Variants in CACNA2D3 observed in about 807,000 individuals in gnomAD.
CACNA2D3 encodes calcium voltage-gated channel auxiliary subunit alpha2delta 3.
A neutral mutation model predicts 160.6 loss-of-function variants in CACNA2D3; 60 were observed. The ratio of observed to expected loss-of-function variants is 0.37; its 90% CI spans 0.30 to 0.46. The LOEUF is 0.46. Ranked by LOEUF, CACNA2D3 falls within the 20% of genes least tolerant of loss-of-function variation. CACNA2D3 has a pLI of 1.00. For missense variants in CACNA2D3, 1,205 were observed against 1,365.0 expected (o/e 0.88, Z 1.85); for synonymous variants, 558 against 492.9 (o/e 1.13, Z -1.75).
chr3:54,888,373 T>C (rs1213614255), intron 24 of CACNA2D3, among the ~76,000 whole-genome samples: 2 of 152,098 alleles, frequency 1.3e-5, no homozygotes, highest in African/African-American at 4.8e-5. Context: ...TACTTTGCAG[T>C]CTTGGGGGAG....
chr3:54,675,354 A>T (rs1350702935), intron 11 of CACNA2D3, among the ~76,000 whole-genome samples: 1 of 152,192 alleles, frequency 6.6e-6, no homozygotes, highest in African/African-American at 2.4e-5. Flanking sequence ...GAGGACACAC[A>T]CAAGGAGTTT....
intron 2 of CACNA2D3, among the ~76,000 whole-genome samples, chr3:54,268,881 G>A (rs183250082): frequency 3.6e-4 from 55 of 152,320 alleles, no homozygotes; most frequent in South Asian, 6.2e-4. Context: ...TCACCTTGAA[G>A]GCAGACTAAG....
At chr3:54,586,219 G>A (rs551812173) in intron 9 of CACNA2D3, among the ~76,000 whole-genome samples, 211 of 134,304 alleles carry the variant, frequency 1.6e-3, no homozygotes, top group African/African-American at 6.0e-3. Flanking sequence ...AGCCGAGATT[G>A]CACCACTGCA....
intron 10 of CACNA2D3, among the ~76,000 whole-genome samples, chr3:54,630,363 C>T (rs1699209313): frequency 6.6e-6 from 1 of 152,136 alleles, no homozygotes; most frequent in Non-Finnish European, 1.5e-5. Context: ...CTGTCCATCC[C>T]TTCCATCTGT....
intron 13 of CACNA2D3, among the ~76,000 whole-genome samples, chr3:54,804,236 C>T (rs1172274950): frequency 6.6e-6 from 1 of 151,820 alleles, no homozygotes; most frequent in Non-Finnish European, 1.5e-5. Context: ...GGACTAAATG[C>T]TCCAATTAAA....
intron 35 of CACNA2D3, among the ~76,000 whole-genome samples, chr3:55,040,446 ATTGT>A (rs1301612257): frequency 2.6e-5 from 4 of 152,206 alleles, no homozygotes; most frequent in African/African-American, 9.6e-5. Context: ...ATGACTCAGT[ATTGT>A]TTAAGAATTC....
chr3:54,916,905 A>G (rs1345454324), intron 27 of CACNA2D3, among the ~76,000 whole-genome samples: 2 of 152,208 alleles, frequency 1.3e-5, no homozygotes, highest in South Asian at 2.1e-4. Context: ...CTGGTTGCCT[A>G]CAGTGCTGTC....
In CACNA2D3 at chr3:54,376,851, C is replaced by A. The variant is rs373244265; in HGVS notation, c.322-9864C>A. Among the ~76,000 whole-genome samples the A allele has an allele frequency of 4.8e-4, 73 of 152,252 alleles. 1 individual carries two copies. In the South Asian group the frequency reaches 0.015, roughly 32 times the overall value. On this transcript the variant is annotated intron_variant, in intron 3 of 37. Transcript: ENST00000474759. ...CCTGGACCAACACGATATATTCCTT[C>A]CCAAACTGAAGTTGCCTGGTAAACA...
chr3:54,234,721 A>T (rs1559890907), intron 2 of CACNA2D3, among the ~76,000 whole-genome samples: 4 of 152,228 alleles, frequency 2.6e-5, no homozygotes. Flanking sequence ...ACATGAGTGG[A>T]GCAGGAGGTT....
At chr3:54,338,660 G>T (rs1448271650) in intron 3 of CACNA2D3, among the ~76,000 whole-genome samples, 1 of 152,092 alleles carries the variant, frequency 6.6e-6, no homozygotes, top group Admixed American at 6.5e-5. Context: ...TTGATTATTG[G>T]TGAAGAAAAT....
intron 3 of CACNA2D3, among the ~76,000 whole-genome samples, chr3:54,347,402 C>A (rs1698478826): frequency 6.6e-6 from 1 of 152,166 alleles, no homozygotes; most frequent in Admixed American, 6.5e-5. Context: ...TATGAAATCC[C>A]TTTCATTTTG....
intron 13 of CACNA2D3, among the ~76,000 whole-genome samples, chr3:54,785,753 A>G (rs1055026495): frequency 6.6e-6 from 1 of 152,216 alleles, no homozygotes; most frequent in Non-Finnish European, 1.5e-5. Flanking sequence ...ATAGTGGCCC[A>G]GATCCTTGTT....
At chr3:54,970,044 G>A (rs189081957) in intron 29 of CACNA2D3, among the ~76,000 whole-genome samples, 200 bp downstream of exon 29, 5 of 151,726 alleles carry the variant, frequency 3.3e-5, no homozygotes, top group African/African-American at 4.8e-5. Context: ...TATGACAGCT[G>A]GAAATGTGCT....
At chr3:54,918,800 G>C (rs1189551019) in intron 27 of CACNA2D3, 2 of 1,613,710 alleles carry the variant, frequency 1.2e-6, no homozygotes, top group African/African-American at 2.7e-5. Context: ...GCAGGAAGAG[G>C]GCAGGGCTGG....
intron 11 of CACNA2D3, among the ~76,000 whole-genome samples, chr3:54,691,822 C>G (rs1340285328): frequency 6.6e-6 from 1 of 152,114 alleles, no homozygotes; most frequent in Non-Finnish European, 1.5e-5. Flanking sequence ...ATTTATTTGT[C>G]TTTTCAGCTT....
At chr3:54,955,098 C>T (rs888121761) in intron 27 of CACNA2D3, among the ~76,000 whole-genome samples, 1 of 152,116 alleles carries the variant, frequency 6.6e-6, no homozygotes, top group East Asian at 1.9e-4. Context: ...CAAAATTATT[C>T]GAACGTACGT....
chr3:54,131,420 G>T lies in CACNA2D3; in HGVS notation c.204+7826G>T, dbSNP rs1699704799. 2.0e-5 allele frequency among the ~76,000 whole-genome samples: 3 copies of T among 152,230 alleles called. No homozygotes were observed. In the South Asian group the frequency reaches 6.2e-4, roughly 32 times the overall value. ...ACATCTGCCCCACAGCCCAGAGTGA[G>T]GTCCTTATGCCACAGGAGATCCCAG... is the stretch of plus-strand genomic sequence containing the variant. On this transcript the variant is annotated intron_variant, in intron 2 of 37. Coordinates refer to ENST00000474759, the MANE Select transcript of CACNA2D3 (RefSeq NM_018398.3).
At chr3:54,375,935 G>T (rs896838431) in intron 3 of CACNA2D3, among the ~76,000 whole-genome samples, 4 of 152,130 alleles carry the variant, frequency 2.6e-5, no homozygotes, top group African/African-American at 9.7e-5. Context: ...ATTGCTCATG[G>T]ATTAAGGTAT....
intron 4 of CACNA2D3, among the ~76,000 whole-genome samples, chr3:54,448,540 CAG>C (rs1168794216): frequency 6.6e-6 from 1 of 152,176 alleles, no homozygotes; most frequent in Non-Finnish European, 1.5e-5. Context: ...GAGGATGAAA[CAG>C]AGGTGGGGTG....
Sources: allele counts gnomAD v4.1 joint callset (sites outside exome capture counted in the v4.1 genomes callset), GRCh38; gene constraint gnomAD v4.1.1; transcripts MANE v1.5; gene names NCBI Gene and HGNC (gene_info 2026-07-23, HGNC 2026-07-21).